SH3KBP1: variants seen among roughly 807,000 people sequenced by gnomAD.
SH3KBP1 encodes the protein SH3 domain-containing kinase-binding protein 1.
In SH3KBP1, 8 loss-of-function variants were observed where a neutral mutation model predicts 50.1. The ratio of observed to expected loss-of-function variants is 0.16; its 90% CI spans 0.09 to 0.29. The LOEUF (loss-of-function observed/expected upper bound fraction) is 0.29. Among genes scored for constraint, SH3KBP1 ranks in the 10% least tolerant of loss-of-function variants. The pLI, the probability that SH3KBP1 is intolerant of heterozygous loss-of-function variation, is 1.00. For synonymous variants in SH3KBP1, 227 were observed against 218.6 expected, an observed-to-expected ratio of 1.04 and a Z score of -0.34; for missense variants, 377 against 535.2, an observed-to-expected ratio of 0.70 and a Z score of 2.92.
chrX:19,567,689 G>A (rs1297192945), intron 13 of SH3KBP1, among the ~76,000 whole-genome samples: 1 of 105,199 alleles, frequency 9.5e-6, no homozygotes, highest in Non-Finnish European at 1.9e-5. Flanking sequence ...AGTTCTGTAA[G>A]ATGTTACTAT....
chrX:19,642,407 G>A (rs1012022936), intron 7 of SH3KBP1, among the ~76,000 whole-genome samples: 2 of 111,661 alleles, frequency 1.8e-5, no homozygotes, highest in Non-Finnish European at 3.8e-5. Context: ...TTGCAAAGGC[G>A]GTATGAGTGT....
At chrX:19,755,794 G>C (rs775542241) in intron 2 of SH3KBP1, among the ~76,000 whole-genome samples, 1 of 111,971 alleles carries the variant, frequency 8.9e-6, no homozygotes, top group South Asian at 3.7e-4. Flanking sequence ...TGACCTAACC[G>C]GTTATGTTAT....
intron 13 of SH3KBP1, among the ~76,000 whole-genome samples, chrX:19,556,390 G>A (rs942119611): frequency 3.1e-4 from 34 of 110,057 alleles, no homozygotes; most frequent in African/African-American, 9.6e-4. Context: ...TAGTCTGAAT[G>A]GGAGGAGGAA....
intron 2 of SH3KBP1, chrX:19,799,877 C>G: frequency 1.1e-6 from 1 of 922,735 alleles, no homozygotes; most frequent in Non-Finnish European, 1.4e-6. Context: ...TAATTCTTTG[C>G]ACTTATTTCT....
intron 2 of SH3KBP1, among the ~76,000 whole-genome samples, chrX:19,788,111 G>A (rs2066405753): frequency 9.1e-6 from 1 of 109,465 alleles, no homozygotes; most frequent in Non-Finnish European, 1.9e-5. Flanking sequence ...CTTATAAAAA[G>A]GAGAACTTTG....
intron 3 of SH3KBP1, among the ~76,000 whole-genome samples, chrX:19,715,338 T>C (rs2063884686): frequency 9.4e-6 from 1 of 106,675 alleles, no homozygotes; most frequent in Non-Finnish European, 1.9e-5. Context: ...AGAGTATGTG[T>C]GGAGATTGGA....
chrX:19,561,475 T>A (rs1446076114), intron 13 of SH3KBP1, among the ~76,000 whole-genome samples: 1 of 112,085 alleles, frequency 8.9e-6, no homozygotes, highest in Non-Finnish European at 1.9e-5. Context: ...AATTGTACAT[T>A]TCTGGACACT....
intron 3 of SH3KBP1, among the ~76,000 whole-genome samples, chrX:19,739,014 GAAAAAA>G (rs1167676836): frequency 1.7e-3 from 39 of 22,451 alleles, no homozygotes; most frequent in Non-Finnish European, 3.0e-3. Flanking sequence ...CTGCCTCCAA[GAAAAAA>G]AAAAAAAAAA....
chrX:19,693,207 G>A (rs748780715), intron 5 of SH3KBP1, among the ~76,000 whole-genome samples: 1 of 111,690 alleles, frequency 9.0e-6, no homozygotes, highest in African/African-American at 3.3e-5. Flanking sequence ...TCCCCTTTCT[G>A]CAGTGTGAGC....
intron 3 of SH3KBP1, among the ~76,000 whole-genome samples, chrX:19,731,230 C>T (rs1204702866): frequency 8.9e-6 from 1 of 112,521 alleles, no homozygotes; most frequent in Non-Finnish European, 1.9e-5. Context: ...TGAGCCACTG[C>T]GCCCGGCCTA....
chrX:19,779,206 G>A (rs1187267738), intron 2 of SH3KBP1, among the ~76,000 whole-genome samples: 1 of 107,285 alleles, frequency 9.3e-6, no homozygotes, highest in Non-Finnish European at 1.9e-5. Context: ...AGCTGAGGTG[G>A]GAGGATTGCT....
rs201580119 is a variant in SH3KBP1 at position 19,572,392 on chromosome X, CAT to C, written c.1299-3206_1299-3205del. 5.1e-3 allele frequency among the ~76,000 whole-genome samples: 478 copies of C among 93,556 alleles called. 4 individuals are homozygous for C. Among genetic ancestry groups the C allele is most frequent in the African/African-American group, 0.02 (447 of 22,329 alleles). 81.2% of individuals were successfully genotyped at this position (93,556 alleles called of 115,157 possible). On this transcript the variant is annotated intron_variant, in intron 12 of 17. Transcript: ENST00000397821. The stretch of plus-strand genomic sequence containing the variant: ...ACATATATGTTATATATAGTACATA[CAT>C]ATGTTATATATAGTACATACATGTT...
intron 1 of SH3KBP1, among the ~76,000 whole-genome samples, chrX:19,850,331 G>A (rs1221829787): frequency 9.0e-6 from 1 of 110,871 alleles, no homozygotes; most frequent in Non-Finnish European, 1.9e-5. Context: ...TTACAGGCAC[G>A]CGCCACCATG....
intron 2 of SH3KBP1, among the ~76,000 whole-genome samples, chrX:19,756,738 C>G (rs1238698811): frequency 1.8e-5 from 2 of 111,020 alleles, no homozygotes; most frequent in Non-Finnish European, 3.8e-5. Context: ...TAGCAAAAGA[C>G]TGAAAGAACA....
At chrX:19,753,641 C>G (rs992972958) in intron 2 of SH3KBP1, among the ~76,000 whole-genome samples, 1 of 111,484 alleles carries the variant, frequency 9.0e-6, no homozygotes, top group East Asian at 2.8e-4. Flanking sequence ...AGCAAGTATT[C>G]TGAGAATATG....
chrX:19,557,556 C>T (rs768952529), intron 13 of SH3KBP1, among the ~76,000 whole-genome samples: 136 of 112,178 alleles, frequency 1.2e-3, no homozygotes, highest in Non-Finnish European at 2.3e-3. Flanking sequence ...CTATTCAAAT[C>T]GTAGCCACCA....
intron 8 of SH3KBP1, among the ~76,000 whole-genome samples, chrX:19,608,837 T>C (rs970382379): frequency 1.8e-5 from 2 of 112,218 alleles, no homozygotes; most frequent in African/African-American, 3.2e-5. Flanking sequence ...CTCCTTCACC[T>C]TCTCCTTTAG....
chrX:19,793,313 A>AAAAAATATATATATAT (rs1418807395), intron 2 of SH3KBP1, among the ~76,000 whole-genome samples: 2 of 96,985 alleles, frequency 2.1e-5, no homozygotes, highest in African/African-American at 7.8e-5. Flanking sequence ...AGGAAAAAAA[A>AAAAAATATATATATAT]ATATATATAT....
Position 19,581,072 on chromosome X carries a change from C to T in SH3KBP1, c.1298+7571G>A, listed in dbSNP as rs139102735. Among the ~76,000 whole-genome samples, 411 of 111,541 alleles carry T rather than the reference C, an allele frequency of 3.7e-3. 3 individuals are homozygous for T. The highest frequency in any genetic ancestry group is 6.1e-3 in the Non-Finnish European group (326 of 53,142). On this transcript the variant is annotated intron_variant, in intron 12 of 17. Transcript: ENST00000397821. ...GCTCAAGTGATCCTCCCACCTCAAC[C>T]TCTCAAGTAGCTGGGACTACAGACA...
Sources: gnomAD v4.1 joint callset for allele counts (sites outside exome capture counted in the v4.1 genomes callset) on GRCh38, gnomAD v4.1.1 for gene constraint, MANE v1.5 for transcripts, NCBI Gene and HGNC (gene_info 2026-07-23, HGNC 2026-07-21) for gene names.